The following SRGAP3 variants were observed in gnomAD, a reference collection of about 807,000 sequenced individuals.
SRGAP3 encodes SLIT-ROBO Rho GTPase activating protein 3.
A neutral mutation model predicts 121.1 loss-of-function variants in SRGAP3; 39 were observed. That is an observed-to-expected ratio of 0.32 (90% CI 0.25 to 0.42). SRGAP3 has a LOEUF of 0.42. SRGAP3 is among the 10% of genes least tolerant of loss of function. The probability of loss-of-function intolerance (pLI) is 1.00; values close to 1 mark genes in which losing one functional copy is unlikely to be tolerated. For missense variants in SRGAP3, 1,213 were observed against 1,470.6 expected (o/e 0.82, Z 2.86); for synonymous variants, 601 against 570.0 (o/e 1.05, Z -0.77).
intron 1 of SRGAP3, among the ~76,000 whole-genome samples, chr3:9,179,687 T>C (rs1227239097): frequency 1.3e-5 from 2 of 152,226 alleles, no homozygotes; most frequent in Admixed American, 1.3e-4. Flanking sequence ...CAGGCCTCTG[T>C]CACAAGGAAA....
Position 9,041,984 on chromosome 3 carries a change from C to T in SRGAP3, c.1409-3894G>A, listed in dbSNP as rs143969086. Reference sequence around the variant, plus strand: ...GGCGTGGTGGCGGACACCTGTAATCCCGGCTACTCGGGAGGCTAAGACACA... The same window carrying T: ...GGCGTGGTGGCGGACACCTGTAATCTCGGCTACTCGGGAGGCTAAGACACA... On this transcript the variant is annotated intron_variant, in intron 10 of 21. Transcript: ENST00000383836. 4.6e-3 allele frequency among the ~76,000 whole-genome samples: 704 copies of T among 151,794 alleles called. 5 individuals carry two copies. Among genetic ancestry groups the T allele is most frequent in the Middle Eastern group, 0.024 (7 of 294 alleles).
At chr3:9,151,025 G>A (rs1172326920) in intron 1 of SRGAP3, among the ~76,000 whole-genome samples, 1 of 152,196 alleles carries the variant, frequency 6.6e-6, no homozygotes, top group African/African-American at 2.4e-5. Context: ...TCTTGAGGCT[G>A]GTTGAGAAGA....
intron 1 of SRGAP3, among the ~76,000 whole-genome samples, chr3:9,246,112 T>C (rs896343659): frequency 1.3e-5 from 2 of 152,264 alleles, no homozygotes; most frequent in South Asian, 2.1e-4. Context: ...TATTTTACAA[T>C]AGAAAAAATA....
At chr3:9,158,743 C>T (rs1950508109) in intron 1 of SRGAP3, among the ~76,000 whole-genome samples, 1 of 152,094 alleles carries the variant, frequency 6.6e-6, no homozygotes, top group Non-Finnish European at 1.5e-5. Context: ...TTCCTCAGAT[C>T]CCATTTGCAG....
At chr3:9,061,345 C>T (rs540153568) in intron 5 of SRGAP3, among the ~76,000 whole-genome samples, 4 of 152,296 alleles carry the variant, frequency 2.6e-5, no homozygotes, top group South Asian at 4.2e-4. Context: ...CAAGCTCCAC[C>T]TTCCCCCAGG....
chr3:9,341,700 T>C (rs1371561412), intron 1 of SRGAP3, among the ~76,000 whole-genome samples: 1 of 152,130 alleles, frequency 6.6e-6, no homozygotes, highest in Admixed American at 6.5e-5. Context: ...GGCTTCACCA[T>C]GTTGGCCAGG....
chr3:9,136,292 G>A (rs1337222493), intron 1 of SRGAP3, among the ~76,000 whole-genome samples: 1 of 151,874 alleles, frequency 6.6e-6, no homozygotes, highest in Non-Finnish European at 1.5e-5. Flanking sequence ...GGACGGCCCC[G>A]AGGGTCCGCA....
intron 20 of SRGAP3, among the ~76,000 whole-genome samples, chr3:8,991,413 A>G (rs1042126977): frequency 6.6e-6 from 1 of 152,160 alleles, no homozygotes; most frequent in African/African-American, 2.4e-5. Context: ...GTCATTCAAG[A>G]GTAAACACTG....
chr3:9,268,260 G>C (rs182448935), intron 3 of SRGAP3, among the ~76,000 whole-genome samples: 3 of 151,948 alleles, frequency 2.0e-5, no homozygotes, highest in African/African-American at 7.2e-5. Context: ...CTCAGGATGG[G>C]ATTAGTGCCC....
intron 1 of SRGAP3, among the ~76,000 whole-genome samples, chr3:9,154,370 G>T (rs1419923297): frequency 1.3e-5 from 2 of 152,234 alleles, no homozygotes; most frequent in Non-Finnish European, 1.5e-5. Context: ...GCTCTTACAG[G>T]AGAGAGGGCC....
rs1948357317 is a variant in SRGAP3, at chr3:9,104,785, G to C, written c.318C>G (p.Thr106=). ...VNCWYLVLHQ[T]RRESRDHATL... Reference sequence around the variant, plus strand: ...TGGCATGGTCTCGGCTCTCCCGCCGGGTCTGATGCAGAACCAGATACCAAC... The same window carrying C: ...TGGCATGGTCTCGGCTCTCCCGCCGCGTCTGATGCAGAACCAGATACCAAC... Residue 106 remains threonine (T), a synonymous_variant, in exon 3 of 22, where the codon ACC becomes ACG. Coordinates refer to ENST00000383836, the MANE Select transcript of SRGAP3 (RefSeq NM_014850.4). 1 of 1,614,110 alleles carries C rather than the reference G, an allele frequency of 6.2e-7. No homozygotes were observed.
intron 1 of SRGAP3, among the ~76,000 whole-genome samples, chr3:9,232,296 A>G (rs924030115): frequency 1.3e-5 from 2 of 152,182 alleles, no homozygotes; most frequent in Admixed American, 1.3e-4. Context: ...ACTTCGTGGA[A>G]TTTTAAATCA....
intron 1 of SRGAP3, among the ~76,000 whole-genome samples, chr3:9,163,656 C>T (rs561008647): frequency 5.8e-4 from 88 of 152,282 alleles, no homozygotes; most frequent in African/African-American, 2.0e-3. Flanking sequence ...ATGTTGGGAT[C>T]GGCCTGGCCT....
intron 1 of SRGAP3, among the ~76,000 whole-genome samples, chr3:9,160,737 C>T (rs1575164940): frequency 2.0e-5 from 3 of 152,064 alleles, no homozygotes; most frequent in African/African-American, 4.8e-5. Context: ...AATTGATATA[C>T]GTAAAGGGTT....
chr3:9,183,488 T>A (rs1332375064), intron 1 of SRGAP3, among the ~76,000 whole-genome samples: 1 of 152,138 alleles, frequency 6.6e-6, no homozygotes, highest in Admixed American at 6.5e-5. Flanking sequence ...ATATCTATTA[T>A]ACAGATGTTT....
intron 1 of SRGAP3, among the ~76,000 whole-genome samples, chr3:9,360,650 A>G (rs1209788392): frequency 1.3e-5 from 2 of 152,228 alleles, no homozygotes; most frequent in African/African-American, 2.4e-5. Context: ...CACTTCTTAC[A>G]TGGCGGCAGC....
chr3:9,301,839 T>A (rs928414097), intron 3 of SRGAP3, among the ~76,000 whole-genome samples: 7 of 152,204 alleles, frequency 4.6e-5, no homozygotes, highest in Admixed American at 3.3e-4. Flanking sequence ...CTTCACAGGG[T>A]TGATCTGCGG....
rs1158990012 is a variant in SRGAP3 at position 8,985,909 on chromosome 3, C to T, written c.2910G>A (p.Thr970=). The change falls in exon 22 of 22, where the codon ACG becomes ACA. Residue 970 remains threonine, a synonymous_variant. Transcript: ENST00000383836. The surrounding 1 kb of genome is among the most constrained non-coding windows in gnomAD (Gnocchi z 5.1). ...LAEDIEKTMS[T]ALHELRELER... ...CGAGTTCCCGCAACTCGTGCAGAGCCGTGCTCATGGTCTTCTCGATGTCCT... is the reference window on the plus strand; with the variant it reads ...CGAGTTCCCGCAACTCGTGCAGAGCTGTGCTCATGGTCTTCTCGATGTCCT... 3 of 1,599,548 alleles carry T rather than the reference C, an allele frequency of 1.9e-6. No individual in the cohort carries two copies. The highest frequency in any genetic ancestry group is 3.3e-5 in the Admixed American group (2 of 59,996).
intron 2 of SRGAP3, among the ~76,000 whole-genome samples, chr3:9,105,893 C>G (rs545350401): frequency 6.6e-6 from 1 of 152,236 alleles, no homozygotes; most frequent in Admixed American, 6.5e-5. Flanking sequence ...CTACCTTAAA[C>G]GTGCTCAGAA....
Sources: gnomAD v4.1 joint callset for allele counts (sites outside exome capture counted in the v4.1 genomes callset) on GRCh38, gnomAD v4.1.1 for gene constraint, Gnocchi (gnomAD v3.1) non-coding constraint, MANE v1.5 for transcripts, NCBI Gene and HGNC (gene_info 2026-07-23, HGNC 2026-07-21) for gene names.